Variants in ALPL observed in about 807,000 individuals in gnomAD.
The protein encoded by ALPL is alkaline phosphatase, biomineralization associated, also known as alkaline phosphatase, tissue-nonspecific isozyme.
A neutral mutation model predicts 51.3 loss-of-function variants in ALPL; 42 were observed. That is an observed-to-expected ratio of 0.82 (90% CI 0.64 to 1.06). The LOEUF (loss-of-function observed/expected upper bound fraction) is 1.06. ALPL is among the 50% of genes least tolerant of loss of function. The probability of loss-of-function intolerance (pLI) is 0.00; values close to 1 mark genes in which losing one functional copy is unlikely to be tolerated. For synonymous variants in ALPL, 279 were observed against 296.4 expected (o/e 0.94, Z 0.60); for missense variants, 589 against 709.4 (o/e 0.83, Z 1.93).
chr1:21,510,338 G>A (rs1325654544), intron 1 of ALPL, among the ~76,000 whole-genome samples: 1 of 152,188 alleles, frequency 6.6e-6, no homozygotes, highest in East Asian at 1.9e-4. Flanking sequence ...CGAAGGCGGG[G>A]CCTTTACAAA....
chr1:21,571,714 G>T (rs186043455), intron 8 of ALPL, among the ~76,000 whole-genome samples: 1 of 151,480 alleles, frequency 6.6e-6, no homozygotes, highest in Admixed American at 6.6e-5. Flanking sequence ...CTTAGGCCAG[G>T]TGCAATGGCT....
intron 1 of ALPL, among the ~76,000 whole-genome samples, chr1:21,531,245 A>G (rs902995567): frequency 1.3e-5 from 2 of 152,112 alleles, no homozygotes; most frequent in African/African-American, 4.8e-5. Flanking sequence ...GGTGTGAGCC[A>G]CGGCGCCCGG....
chr1:21,554,867 TTCTTTCTC>T (rs1252601061), intron 2 of ALPL, among the ~76,000 whole-genome samples: 28 of 136,418 alleles, frequency 2.1e-4, no homozygotes, highest in Middle Eastern at 3.5e-3. Context: ...CTTTCTTTCT[TTCTTTCTC>T]TCTTTCTTTC....
intron 4 of ALPL, among the ~76,000 whole-genome samples, chr1:21,561,652 CG>C (rs1644486826): frequency 2.0e-5 from 3 of 148,166 alleles, no homozygotes; most frequent in African/African-American, 7.5e-5. Flanking sequence ...CCACCATGCA[CG>C]GCCTATATAT....
At chr1:21,538,056 CGT>C in intron 1 of ALPL, among the ~76,000 whole-genome samples, 1 of 152,336 alleles carries the variant, frequency 6.6e-6, no homozygotes, top group African/African-American at 2.4e-5. Flanking sequence ...CCGGCACACT[CGT>C]GATCACTGTT....
At position 21,570,867 on chromosome 1, in the gene ALPL, AG is replaced by A. The variant is rs143436248; in HGVS notation, c.862+494del. On this transcript the variant is annotated intron_variant, in intron 8 of 11. Coordinates refer to ENST00000374840, the MANE Select transcript of ALPL (RefSeq NM_000478.6). ...GGCAGCTTCAGGTCTGGTGGGATGCAGCCCTGAGCACCACCATGCAGCTATC... is the reference window on the plus strand; with the variant it reads ...GGCAGCTTCAGGTCTGGTGGGATGCACCCTGAGCACCACCATGCAGCTATC... Among the ~76,000 whole-genome samples the A allele has an allele frequency of 5.9e-5, 9 of 152,358 alleles. No individual in the cohort carries two copies. The East Asian group carries it at 9.6e-4, about 16-fold the overall frequency.
chr1:21,563,092 C>A lies in ALPL; in HGVS notation c.298-18C>A. 1 of 1,613,412 alleles carries A rather than the reference C, an allele frequency of 6.2e-7. No individual in the cohort carries two copies. Among genetic ancestry groups the A allele is most frequent in the Non-Finnish European group, 8.5e-7 (1 of 1,180,008 alleles). Reference sequence around the variant, plus strand: ...GCGAAGGCCTGGCCATCTCCTGACCCTCCTCTCCCACCTGCAGACGTACAA... The same window carrying A: ...GCGAAGGCCTGGCCATCTCCTGACCATCCTCTCCCACCTGCAGACGTACAA... On this transcript the variant is annotated intron_variant, in intron 4 of 11. Transcript: ENST00000374840.
At chr1:21,528,941 G>A (rs367899618) in intron 1 of ALPL, among the ~76,000 whole-genome samples, 2 of 151,630 alleles carry the variant, frequency 1.3e-5, no homozygotes, top group African/African-American at 2.4e-5. Context: ...GTGGTGGTGG[G>A]CGCCTGTAAT....
chr1:21,573,824 G>C (rs763585121), intron 9 of ALPL, 25 bp downstream of exon 9: 2 of 1,613,916 alleles, frequency 1.2e-6, no homozygotes, highest in Admixed American at 3.3e-5. Context: ...TCTGCTGAGA[G>C]GGGGCTGCTG....
At chr1:21,535,637 A>G (rs1248372317) in intron 1 of ALPL, among the ~76,000 whole-genome samples, 1 of 152,024 alleles carries the variant, frequency 6.6e-6, no homozygotes, top group Non-Finnish European at 1.5e-5. Flanking sequence ...AAGGAGAGTG[A>G]AGCTGGATGG....
At chr1:21,571,810 C>T (rs991530723) in intron 8 of ALPL, among the ~76,000 whole-genome samples, 7 of 151,878 alleles carry the variant, frequency 4.6e-5, no homozygotes, top group African/African-American at 7.3e-5. Flanking sequence ...GGAAACATAG[C>T]GAGACCTCAA....
chr1:21,567,587 G>T (rs1056397882), intron 6 of ALPL, among the ~76,000 whole-genome samples: 4 of 152,202 alleles, frequency 2.6e-5, no homozygotes, highest in African/African-American at 9.6e-5. Context: ...TTAGCTGCAC[G>T]AATACAGCAG....
chr1:21,533,924 CA>C (rs760101424), intron 1 of ALPL, among the ~76,000 whole-genome samples: 4,422 of 127,362 alleles, frequency 0.035, 112 homozygotes, highest in African/African-American at 0.079. Context: ...ACTCTTGTCT[CA>C]AAAAAAAAAA....
At chr1:21,560,575 G>T (rs777374975) in intron 2 of ALPL, 51 bp from the exon 3 acceptor site, 1 of 1,609,204 alleles carries the variant, frequency 6.2e-7, no homozygotes, top group South Asian at 1.1e-5. Flanking sequence ...TACGTCTGGA[G>T]ATAGGAGGCT....
At chr1:21,524,297 C>T (rs1008478123) in intron 1 of ALPL, among the ~76,000 whole-genome samples, 4 of 152,044 alleles carry the variant, frequency 2.6e-5, no homozygotes, top group Non-Finnish European at 4.4e-5. Flanking sequence ...CTACTGCGCC[C>T]GGCCCAAATC....
At chr1:21,514,885 C>T (rs1643764311) in intron 1 of ALPL, among the ~76,000 whole-genome samples, 1 of 152,122 alleles carries the variant, frequency 6.6e-6, no homozygotes, top group South Asian at 2.1e-4. Flanking sequence ...GACTGAGGCT[C>T]AGAGGGCAGA....
At chr1:21,570,432 C>G in intron 8 of ALPL, 58 bp downstream of exon 8, 2 of 1,563,600 alleles carry the variant, frequency 1.3e-6, no homozygotes, top group South Asian at 2.2e-5. Context: ...GCCGGAGCTG[C>G]GTGTGGCCAG....
Position 21,578,333 on chromosome 1 carries a change from ATT to A in ALPL, c.*693_*694del. 1 of 152,318 alleles carries A rather than the reference ATT, an allele frequency of 6.6e-6. No homozygotes were observed. The highest frequency in any genetic ancestry group is 1.9e-4 in the East Asian group (1 of 5,158). 9.4% of individuals were successfully genotyped at this position (152,318 alleles called of 1,614,324 possible). ...CTCCTGTTTGGAACGGCAAAAAAAA[ATT>A]TTTTTTTCTCTTTTTGGTGGTGGTT... On this transcript the variant is annotated 3_prime_UTR_variant, in exon 12 of 12. Transcript: ENST00000374840. This position sits in a 1 kb window ranked among gnomAD's most constrained non-coding sequence, Gnocchi z 4.2.
At chr1:21,576,148 C>T (rs1365941827) in intron 10 of ALPL, among the ~76,000 whole-genome samples, 1 of 151,544 alleles carries the variant, frequency 6.6e-6, no homozygotes, top group Non-Finnish European at 1.5e-5. Context: ...TGGATGGCCA[C>T]GTTGACCATG....
Sources: allele counts gnomAD v4.1 joint callset (sites outside exome capture counted in the v4.1 genomes callset), GRCh38; gene constraint gnomAD v4.1.1; non-coding constraint Gnocchi (gnomAD v3.1); transcripts MANE v1.5; gene names NCBI Gene and HGNC (gene_info 2026-07-23, HGNC 2026-07-21).